Variants in TAF4B observed in about 807,000 individuals in gnomAD.
TAF4B encodes the protein transcription initiation factor TFIID subunit 4B.
A neutral mutation model predicts 86.4 loss-of-function variants in TAF4B; 38 were observed. The ratio of observed to expected loss-of-function variants is 0.44; its 90% CI spans 0.34 to 0.58. TAF4B has a LOEUF of 0.58. Among genes scored for constraint, TAF4B ranks in the 20% least tolerant of loss-of-function variants. The pLI is 0.02. For missense variants in TAF4B, 988 were observed against 1,027.6 expected (o/e 0.96, Z 0.53); for synonymous variants, 388 against 391.2 (o/e 0.99, Z 0.10).
At position 26,346,861 on chromosome 18, in the gene TAF4B, G is replaced by GTGTGTATATA. The variant is rs1555623686; in HGVS notation, c.2317-10828_2317-10827insGTGTATATAT. On this transcript the variant is annotated intron_variant, in intron 13 of 14. Coordinates refer to ENST00000269142, the MANE Select transcript of TAF4B (RefSeq NM_005640.3). ...TGTGTGTGTGTATATATATATATGTGTATATATATATATGTGTATATATAT... is the reference window on the plus strand; with the variant it reads ...TGTGTGTGTGTATATATATATATGTGTGTGTATATATATATATATATATGTGTATATATAT... 5.6e-4 allele frequency among the ~76,000 whole-genome samples: 10 copies of GTGTGTATATA among 17,774 alleles called. 2 individuals carry two copies. In the South Asian group the frequency reaches 9.4e-3, roughly 17 times the overall value. The allele number at this position is 17,774 out of a possible 152,430, so 11.7% of individuals were successfully genotyped here. A position where few individuals can be genotyped will look rare whatever the true frequency, so the allele number is the denominator to read the frequency against.
chr18:26,226,894 C>T lies in TAF4B; in HGVS notation c.-40C>T, dbSNP rs1000301825. On this transcript the variant is annotated 5_prime_UTR_variant, in exon 1 of 15. Transcript: ENST00000269142. ...CCAAGCCTCCCCTCACCTCTGCTCC[C>T]GGAACCGCAGCGCCAAAGCTGCCGC... The T allele has an allele frequency of 3.9e-5, 53 of 1,342,146 alleles. No homozygotes were observed. In the African/African-American group the frequency reaches 6.9e-4, roughly 18 times the overall value. The allele number at this position is 1,342,146 out of a possible 1,614,324, so 83.1% of individuals were successfully genotyped here.
At chr18:26,236,344 A>T (rs1367623958) in intron 1 of TAF4B, among the ~76,000 whole-genome samples, 1 of 152,084 alleles carries the variant, frequency 6.6e-6, no homozygotes, top group Non-Finnish European at 1.5e-5. Context: ...GGGGCAGGAG[A>T]TTAACACTGA....
chr18:26,330,194 C>T (rs980891602), intron 12 of TAF4B, among the ~76,000 whole-genome samples: 3 of 152,138 alleles, frequency 2.0e-5, no homozygotes, highest in Non-Finnish European at 4.4e-5. Context: ...GAACTCTCCT[C>T]GTTTTATTAG....
intron 14 of TAF4B, among the ~76,000 whole-genome samples, chr18:26,387,443 C>G (rs1277289311): frequency 6.6e-6 from 1 of 152,122 alleles, no homozygotes; most frequent in East Asian, 1.9e-4. Flanking sequence ...ATTTTCCAAA[C>G]AAAACTGAGC....
intron 14 of TAF4B, among the ~76,000 whole-genome samples, chr18:26,370,298 G>A (rs1413968054): frequency 2.6e-5 from 4 of 152,168 alleles, no homozygotes; most frequent in African/African-American, 4.8e-5. Flanking sequence ...GAATTACAGC[G>A]CAGATTGAAC....
chr18:26,376,520 T>G (rs1598840016), intron 14 of TAF4B, among the ~76,000 whole-genome samples: 1 of 48,680 alleles, frequency 2.1e-5, no homozygotes, highest in African/African-American at 4.1e-5. Context: ...TGTACATTGA[T>G]TTTTTTTTTT....
chr18:26,293,988 G>C (rs944471687), intron 9 of TAF4B, among the ~76,000 whole-genome samples: 2 of 152,108 alleles, frequency 1.3e-5, no homozygotes, highest in African/African-American at 4.8e-5. Flanking sequence ...TGGTTCTTTT[G>C]CATTGCTGGG....
intron 12 of TAF4B, among the ~76,000 whole-genome samples, chr18:26,327,377 C>G (rs1332969285): frequency 1.3e-5 from 2 of 152,142 alleles, no homozygotes; most frequent in Non-Finnish European, 2.9e-5. Flanking sequence ...TCTCCCCATC[C>G]TCAAACCCAG....
intron 9 of TAF4B, among the ~76,000 whole-genome samples, chr18:26,308,095 C>A (rs561823314): frequency 9.2e-5 from 14 of 151,924 alleles, no homozygotes; most frequent in African/African-American, 2.7e-4. Flanking sequence ...AAACAAAAAA[C>A]CCCCCAAAAT....
At chr18:26,301,587 C>T (rs1284091248) in intron 9 of TAF4B, among the ~76,000 whole-genome samples, 3 of 152,146 alleles carry the variant, frequency 2.0e-5, no homozygotes, top group Non-Finnish European at 4.4e-5. Context: ...AGCCACCACA[C>T]CCTGCCATTT....
intron 1 of TAF4B, among the ~76,000 whole-genome samples, chr18:26,247,296 G>A (rs2055941136): frequency 6.6e-6 from 1 of 152,186 alleles, no homozygotes; most frequent in Admixed American, 6.5e-5. Flanking sequence ...CACCATTTAT[G>A]TGGAATACAA....
rs560735562 is a variant in TAF4B, at chr18:26,376,320, A to G, written c.2422-13525A>G. On this transcript the variant is annotated intron_variant, in intron 14 of 14. Transcript: ENST00000269142. ...AGTATTGCCAACTCAGCAATATTAAATAGTCTTTTCATTGATATTCCTCAG... is the reference window on the plus strand; with the variant it reads ...AGTATTGCCAACTCAGCAATATTAAGTAGTCTTTTCATTGATATTCCTCAG... 9.2e-5 allele frequency among the ~76,000 whole-genome samples: 14 copies of G among 152,070 alleles called. No homozygotes were observed. In the South Asian group the frequency reaches 2.7e-3, roughly 29 times the overall value.
intron 10 of TAF4B, among the ~76,000 whole-genome samples, chr18:26,320,699 T>C (rs1004374541): frequency 5.3e-5 from 8 of 152,188 alleles, no homozygotes; most frequent in African/African-American, 1.9e-4. Flanking sequence ...CAGGGCAAAA[T>C]GTAATTTTCT....
intron 9 of TAF4B, among the ~76,000 whole-genome samples, chr18:26,303,670 ACCCCC>A (rs2056765759): frequency 2.8e-5 from 2 of 72,714 alleles, no homozygotes; most frequent in Non-Finnish European, 5.1e-5. Flanking sequence ...CCACTTTCAT[ACCCCC>A]TCCACTTTCA....
chr18:26,261,345 C>T (rs973146391), intron 1 of TAF4B, among the ~76,000 whole-genome samples: 119 of 150,890 alleles, frequency 7.9e-4, no homozygotes, highest in African/African-American at 2.6e-3. Flanking sequence ...GGACTACAGG[C>T]GCCCGCCACT....
At chr18:26,330,663 T>G (rs964106829) in intron 12 of TAF4B, among the ~76,000 whole-genome samples, 1 of 152,170 alleles carries the variant, frequency 6.6e-6, no homozygotes, top group Non-Finnish European at 1.5e-5. Context: ...CTGTAACTAT[T>G]TCTATATCTG....
At chr18:26,365,688 A>G (rs1296163851) in intron 14 of TAF4B, among the ~76,000 whole-genome samples, 1 of 152,246 alleles carries the variant, frequency 6.6e-6, no homozygotes, top group Non-Finnish European at 1.5e-5. Flanking sequence ...GAATCACTTC[A>G]GTATGTAGCA....
intron 3 of TAF4B, among the ~76,000 whole-genome samples, chr18:26,269,891 C>T (rs2056291264): frequency 6.6e-6 from 1 of 152,104 alleles, no homozygotes; most frequent in Admixed American, 6.5e-5. Flanking sequence ...TCAAAACCTA[C>T]TGTATTTTTT....
chr18:26,275,309 C>T (rs375749259), intron 5 of TAF4B, among the ~76,000 whole-genome samples: 1 of 152,116 alleles, frequency 6.6e-6, no homozygotes, highest in Non-Finnish European at 1.5e-5. Context: ...GTGTGCATCA[C>T]CACGCTCGGC....
Sources: gnomAD v4.1 joint callset for allele counts (sites outside exome capture counted in the v4.1 genomes callset) on GRCh38, gnomAD v4.1.1 for gene constraint, MANE v1.5 for transcripts, NCBI Gene and HGNC (gene_info 2026-07-23, HGNC 2026-07-21) for gene names.